ADAMTS18: variants seen among roughly 807,000 people sequenced by gnomAD.
ADAMTS18 encodes the protein A disintegrin and metalloproteinase with thrombospondin motifs 18.
ADAMTS18 carries 157 observed loss-of-function variants against 165.9 expected under a neutral mutation model. The ratio of observed to expected loss-of-function variants is 0.95; its 90% CI spans 0.83 to 1.08. The LOEUF is 1.08. Ranked by LOEUF, ADAMTS18 falls within the 50% of genes least tolerant of loss-of-function variation. The probability of loss-of-function intolerance (pLI) is 0.00; values close to 1 mark genes in which losing one functional copy is unlikely to be tolerated. For synonymous variants in ADAMTS18, 782 were observed against 578.2 expected (o/e 1.35, Z -5.06); for missense variants, 2,040 against 1,534.0 (o/e 1.33, Z -5.51).
At chr16:77,354,022 A>G in intron 9 of ADAMTS18, 136 bp from the exon 10 acceptor site, 1 of 1,116,058 alleles carries the variant, frequency 9.0e-7, no homozygotes, top group Middle Eastern at 2.3e-4. Context: ...TTAAAGTTCA[A>G]ATCTATGTTT....
chr16:77,353,794 T>C lies in ADAMTS18; in HGVS notation c.1553A>G (p.Asp518Gly), dbSNP rs751485253. 6.2e-7 allele frequency: 1 copy of C among 1,614,182 alleles called. No individual in the cohort carries two copies. Among genetic ancestry groups the C allele is most frequent in the East Asian group, 2.2e-5 (1 of 44,866 alleles). ...DKLPGQIYDA[D>G]TQCKWQFGAK... ...TCCAAATTGCCATTTACACTGTGTG[T>C]CAGCATCATAAATCTGTCCTGGTAG... The change falls in exon 10 of 23, where the codon GAC (aspartate) becomes GGC (glycine). Residue 518 changes from aspartate (D) to glycine (G), a missense_variant. Transcript: ENST00000282849.
chr16:77,360,513 A>G (rs1272780382), intron 7 of ADAMTS18, among the ~76,000 whole-genome samples: 8 of 152,006 alleles, frequency 5.3e-5, no homozygotes, highest in Non-Finnish European at 1.0e-4. Context: ...TGTTTTTTCC[A>G]AGCCTTTTAG....
intron 13 of ADAMTS18, among the ~76,000 whole-genome samples, chr16:77,324,429 T>G (rs2056058310): frequency 1.3e-5 from 2 of 152,250 alleles, no homozygotes. Context: ...ATTTATTTAC[T>G]TATTCATTCA....
intron 16 of ADAMTS18, among the ~76,000 whole-genome samples, chr16:77,304,071 G>A (rs2055638648): frequency 6.6e-6 from 1 of 151,980 alleles, no homozygotes; most frequent in Admixed American, 6.6e-5. Flanking sequence ...GAATTGAAAT[G>A]TTTTAGTAAA....
chr16:77,349,861 T>C (rs1258401339), intron 10 of ADAMTS18, among the ~76,000 whole-genome samples: 1 of 152,180 alleles, frequency 6.6e-6, no homozygotes, highest in African/African-American at 2.4e-5. Context: ...AGAATTTAAA[T>C]ATCTTCCCCA....
chr16:77,363,656 T>C (rs993256997), intron 6 of ADAMTS18, 146 bp downstream of exon 6: 1 of 637,728 alleles, frequency 1.6e-6, no homozygotes, highest in Non-Finnish European at 2.7e-6. Flanking sequence ...CACAATCTTT[T>C]AAAATTGTAC....
chr16:77,309,922 C>A (rs558175820), intron 16 of ADAMTS18, among the ~76,000 whole-genome samples: 4 of 152,324 alleles, frequency 2.6e-5, no homozygotes, highest in Admixed American at 2.6e-4. Flanking sequence ...CACATTGATT[C>A]CTCAAATGCA....
intron 3 of ADAMTS18, among the ~76,000 whole-genome samples, chr16:77,395,510 C>T (rs998700105): frequency 6.6e-6 from 1 of 152,214 alleles, no homozygotes; most frequent in Non-Finnish European, 1.5e-5. Context: ...CACCTCTCAA[C>T]TGAATCACCT....
At chr16:77,432,867 C>G (rs1006324084) in intron 2 of ADAMTS18, among the ~76,000 whole-genome samples, 1 of 152,048 alleles carries the variant, frequency 6.6e-6, no homozygotes, top group Non-Finnish European at 1.5e-5. Context: ...GAATTCTCCA[C>G]AATAGACAAT....
At chr16:77,369,124 G>A (rs2056840718) in intron 3 of ADAMTS18, among the ~76,000 whole-genome samples, 1 of 152,182 alleles carries the variant, frequency 6.6e-6, no homozygotes, top group Non-Finnish European at 1.5e-5. Flanking sequence ...CCCCAAACCT[G>A]CTGGATCAAA....
At chr16:77,366,776 T>C (rs1244027716) in intron 4 of ADAMTS18, among the ~76,000 whole-genome samples, 2 of 152,204 alleles carry the variant, frequency 1.3e-5, no homozygotes, top group African/African-American at 4.8e-5. Flanking sequence ...TTTCCAAAAC[T>C]TAACAGGAAA....
At chr16:77,379,268 G>A (rs1214115443) in intron 3 of ADAMTS18, among the ~76,000 whole-genome samples, 1 of 152,146 alleles carries the variant, frequency 6.6e-6, no homozygotes, top group African/African-American at 2.4e-5. Context: ...CATTCTGAAG[G>A]CTCAATCTCT....
intron 22 of ADAMTS18, among the ~76,000 whole-genome samples, chr16:77,285,374 TGTTG>T (rs2055229044): frequency 6.6e-6 from 1 of 152,176 alleles, no homozygotes. Context: ...GGTTTCACCA[TGTTG>T]GTCACGCTGG....
intron 3 of ADAMTS18, among the ~76,000 whole-genome samples, chr16:77,399,644 C>A (rs1406501110): frequency 6.6e-6 from 1 of 152,158 alleles, no homozygotes; most frequent in Non-Finnish European, 1.5e-5. Context: ...ACACTATACA[C>A]TTCATAGAGT....
chr16:77,343,634 G>C (rs1360799866), intron 10 of ADAMTS18, among the ~76,000 whole-genome samples: 7 of 152,178 alleles, frequency 4.6e-5, no homozygotes, highest in Non-Finnish European at 1.0e-4. Context: ...CCTGATTTCT[G>C]AGTCTAGTAA....
At chr16:77,344,441 G>C (rs114693932) in intron 10 of ADAMTS18, among the ~76,000 whole-genome samples, 2,050 of 152,184 alleles carry the variant, frequency 0.013, 43 homozygotes, top group African/African-American at 0.046. Flanking sequence ...TTGTCGTATT[G>C]AGTCACCCTC....
At chr16:77,432,989 A>G (rs2057756330) in intron 2 of ADAMTS18, among the ~76,000 whole-genome samples, 1 of 152,184 alleles carries the variant, frequency 6.6e-6, no homozygotes, top group Non-Finnish European at 1.5e-5. Flanking sequence ...TCCTTTAACT[A>G]AAAATGCTGT....
At chr16:77,313,789 T>A (rs1397673476) in intron 16 of ADAMTS18, among the ~76,000 whole-genome samples, 3 of 152,188 alleles carry the variant, frequency 2.0e-5, no homozygotes, top group East Asian at 3.9e-4. Context: ...GAAGTCCTGC[T>A]CTCTAAAACT....
Position 77,375,890 on chromosome 16 carries a change from C to CTTTTTTTTTTTTTTTTT in ADAMTS18, c.496-8184_496-8168dup, listed in dbSNP as rs200629744. ...TTTTATGTCGTTTTTTCTTTCTTTC[C>CTTTTTTTTTTTTTTTTT]TTTTTTTTTTTTTTTTTTTTTTTTT... On this transcript the variant is annotated intron_variant, in intron 3 of 22. Coordinates refer to ENST00000282849, the MANE Select transcript of ADAMTS18 (RefSeq NM_199355.4). 8.5e-5 allele frequency among the ~76,000 whole-genome samples: 8 copies of CTTTTTTTTTTTTTTTTT among 93,904 alleles called. 2 individuals are homozygous for CTTTTTTTTTTTTTTTTT. The highest frequency in any genetic ancestry group is 1.7e-4 in the Non-Finnish European group (8 of 48,344). The allele number at this position is 93,904 out of a possible 152,430, so 61.6% of individuals were successfully genotyped here. A position where few individuals can be genotyped will look rare whatever the true frequency, so the allele number is the denominator to read the frequency against.
Sources: gnomAD v4.1 joint callset for allele counts (sites outside exome capture counted in the v4.1 genomes callset) on GRCh38, gnomAD v4.1.1 for gene constraint, MANE v1.5 for transcripts, NCBI Gene and HGNC (gene_info 2026-07-23, HGNC 2026-07-21) for gene names.